STPG2: variants seen among roughly 807,000 people sequenced by gnomAD.
STPG2 encodes the protein sperm tail PG-rich repeat containing 2.
In STPG2, 56 loss-of-function variants were observed where a neutral mutation model predicts 54.2. The observed-to-expected ratio is 1.03, with a 90% confidence interval of 0.83 to 1.29. The LOEUF (loss-of-function observed/expected upper bound fraction) is 1.29, where lower values mean the gene tolerates loss of function less well. Ranked by LOEUF, STPG2 falls within the 50% of genes most tolerant of loss-of-function variation. The pLI is 0.00. For missense variants in STPG2, 596 were observed against 544.9 expected (o/e 1.09, Z -0.93); for synonymous variants, 200 against 181.8 (o/e 1.10, Z -0.81).
At chr4:97,446,185 T>C (rs540513946) in intron 4 of STPG2, among the ~76,000 whole-genome samples, 2 of 152,328 alleles carry the variant, frequency 1.3e-5, no homozygotes, top group South Asian at 4.1e-4. Context: ...ATTAAAAAGA[T>C]AGGTTAATTA....
chr4:97,927,799 A>T (rs1413177423), intron 8 of STPG2, among the ~76,000 whole-genome samples: 1 of 152,094 alleles, frequency 6.6e-6, no homozygotes, highest in African/African-American at 2.4e-5. Flanking sequence ...AGATTACCAT[A>T]ACTATAGTAC....
intron 7 of STPG2, among the ~76,000 whole-genome samples, chr4:97,971,571 T>G (rs991351223): frequency 6.6e-6 from 1 of 152,084 alleles, no homozygotes; most frequent in African/African-American, 2.4e-5. Context: ...CACCGCAGGT[T>G]CTCACTCATA....
At chr4:98,063,203 C>T (rs1213459226) in intron 5 of STPG2, among the ~76,000 whole-genome samples, 3 of 152,150 alleles carry the variant, frequency 2.0e-5, no homozygotes, top group Non-Finnish European at 4.4e-5. Flanking sequence ...GTAATCCCAG[C>T]ACTTTGGGAG....
chr4:97,732,039 A>G lies in STPG2; in HGVS notation c.1205-19225T>C, dbSNP rs535794260. ...GGGAGGGGCCCACAGACAGGTAAGC[A>G]TGAAGATTAGATGGGCCCCAGTCCC... On this transcript the variant is annotated intron_variant, in intron 9 of 10. Transcript: ENST00000295268. Among the ~76,000 whole-genome samples, 6 of 152,274 alleles carry G rather than the reference A, an allele frequency of 3.9e-5. No homozygotes were observed. In the South Asian group the frequency reaches 1.2e-3, roughly 32 times the overall value.
At chr4:97,850,278 G>T (rs968536895) in intron 8 of STPG2, among the ~76,000 whole-genome samples, 1 of 41,960 alleles carries the variant, frequency 2.4e-5, no homozygotes, top group Non-Finnish European at 3.8e-5. Flanking sequence ...TGGTGGGGAG[G>T]GGGGAGGGGG....
intron 10 of STPG2, among the ~76,000 whole-genome samples, chr4:97,614,491 G>A (rs190541576): frequency 7.9e-5 from 12 of 151,988 alleles, no homozygotes; most frequent in Admixed American, 2.0e-4. Context: ...TAACTTTCTC[G>A]AAACACTCTC....
chr4:97,511,718 T>G (rs143886208), intron 4 of STPG2, among the ~76,000 whole-genome samples: 1 of 152,048 alleles, frequency 6.6e-6, no homozygotes, highest in Non-Finnish European at 1.5e-5. Context: ...TACTTGAGGA[T>G]CGCTTACCAT....
At chr4:97,626,484 C>T (rs1358809518) in intron 10 of STPG2, among the ~76,000 whole-genome samples, 1 of 152,104 alleles carries the variant, frequency 6.6e-6, no homozygotes, top group Non-Finnish European at 1.5e-5. Context: ...CCTTTGTACA[C>T]ACATCTGCTA....
intron 9 of STPG2, among the ~76,000 whole-genome samples, chr4:97,767,907 C>T (rs1726102334): frequency 6.6e-6 from 1 of 152,142 alleles, no homozygotes; most frequent in Non-Finnish European, 1.5e-5. Flanking sequence ...ATGGCTCACG[C>T]CTGTAATCCC....
At chr4:97,879,741 C>T (rs543895116) in intron 8 of STPG2, among the ~76,000 whole-genome samples, 2 of 152,134 alleles carry the variant, frequency 1.3e-5, no homozygotes, top group Admixed American at 6.5e-5. Flanking sequence ...CAGGAAAATG[C>T]ATATTAAAAC....
chr4:97,605,932 C>G (rs1733581566), intron 10 of STPG2, among the ~76,000 whole-genome samples: 1 of 151,684 alleles, frequency 6.6e-6, no homozygotes. Context: ...AAAGCCATGG[C>G]AATTTAATTG....
intron 10 of STPG2, among the ~76,000 whole-genome samples, chr4:97,598,505 A>G (rs1733361237): frequency 6.6e-6 from 1 of 151,854 alleles, no homozygotes; most frequent in Non-Finnish European, 1.5e-5. Context: ...ACACTACCCA[A>G]CTTCAAACTA....
chr4:97,677,380 G>T (rs1267502495), intron 10 of STPG2, among the ~76,000 whole-genome samples: 1 of 152,060 alleles, frequency 6.6e-6, no homozygotes, highest in Non-Finnish European at 1.5e-5. Context: ...AATGATGACT[G>T]GGTTGTAATA....
intron 10 of STPG2, among the ~76,000 whole-genome samples, chr4:97,589,797 A>G (rs1237259921): frequency 1.3e-5 from 2 of 152,148 alleles, no homozygotes; most frequent in Non-Finnish European, 2.9e-5. Context: ...TTTATACTGT[A>G]GTTCTATTTT....
At chr4:97,790,003 G>A (rs973313702) in intron 9 of STPG2, among the ~76,000 whole-genome samples, 2 of 152,050 alleles carry the variant, frequency 1.3e-5, no homozygotes, top group East Asian at 1.9e-4. Flanking sequence ...CATGAAAGGA[G>A]GCCTTACATG....
At chr4:98,009,445 T>C (rs79928530) in intron 5 of STPG2, among the ~76,000 whole-genome samples, 7,109 of 152,174 alleles carry the variant, frequency 0.047, 233 homozygotes, top group Non-Finnish European at 0.065. Context: ...TTCAAAAAGA[T>C]ACTTAATATA....
intron 5 of STPG2, among the ~76,000 whole-genome samples, chr4:98,094,856 A>G (rs987848318): frequency 2.6e-5 from 4 of 152,162 alleles, no homozygotes; most frequent in African/African-American, 9.7e-5. Context: ...ACATCAGGTA[A>G]ATTCCCAAAC....
In STPG2 at chr4:97,672,196, G is replaced by A. The variant is rs1722719502; in HGVS notation, c.1320+40503C>T. Among the ~76,000 whole-genome samples, 3 of 88,328 alleles carry A rather than the reference G, an allele frequency of 3.4e-5. No homozygotes were observed. In the South Asian group the frequency reaches 1.2e-3, roughly 36 times the overall value. The allele number at this position is 88,328 out of a possible 152,430, so 57.9% of individuals were successfully genotyped here. ...TTTTTTTTTTTTTTTTTTTTGAGAT[G>A]GAGTTTCACTCTTGTTGCCCCGGCT... On this transcript the variant is annotated intron_variant, in intron 10 of 10. Transcript: ENST00000295268.
intron 4 of STPG2, among the ~76,000 whole-genome samples, chr4:97,550,749 C>A (rs1731946847): frequency 6.6e-6 from 1 of 152,056 alleles, no homozygotes; most frequent in African/African-American, 2.4e-5. Flanking sequence ...TTCAGAGTTT[C>A]TTCCTTCTGG....
Sources: allele counts gnomAD v4.1 joint callset (sites outside exome capture counted in the v4.1 genomes callset), GRCh38; gene constraint gnomAD v4.1.1; transcripts MANE v1.5; gene names NCBI Gene and HGNC (gene_info 2026-07-23, HGNC 2026-07-21).